Variants in BTBD9 observed in about 807,000 individuals in gnomAD.
BTBD9 encodes the protein BTB domain containing 9.
A neutral mutation model predicts 64.3 loss-of-function variants in BTBD9; 49 were observed. The observed-to-expected ratio is 0.76, with a 90% confidence interval of 0.61 to 0.97. The LOEUF (loss-of-function observed/expected upper bound fraction) is 0.97. BTBD9 is among the 50% of genes least tolerant of loss of function. The probability of loss-of-function intolerance (pLI) is 0.00; values close to 1 mark genes in which losing one functional copy is unlikely to be tolerated. For missense variants in BTBD9, 598 were observed against 762.1 expected (o/e 0.78, Z 2.53); for synonymous variants, 260 against 274.7 (o/e 0.95, Z 0.53).
At chr6:38,439,542 T>G (rs1006790343) in intron 6 of BTBD9, among the ~76,000 whole-genome samples, 1 of 152,156 alleles carries the variant, frequency 6.6e-6, no homozygotes, top group Non-Finnish European at 1.5e-5. Flanking sequence ...TTCTCCTGCC[T>G]CAGCCTCCCG....
At chr6:38,353,437 G>A (rs1203343357) in intron 6 of BTBD9, among the ~76,000 whole-genome samples, 1 of 151,524 alleles carries the variant, frequency 6.6e-6, no homozygotes, top group Admixed American at 6.6e-5. Context: ...AAGGGAGGGG[G>A]ATAGAGAAAG....
At chr6:38,277,294 T>C (rs1761305851) in intron 8 of BTBD9, among the ~76,000 whole-genome samples, 1 of 151,920 alleles carries the variant, frequency 6.6e-6, no homozygotes, top group South Asian at 2.1e-4. Flanking sequence ...TCATTTTGGG[T>C]CAGAATTGTG....
At chr6:38,251,056 T>G (rs75583426) in intron 9 of BTBD9, among the ~76,000 whole-genome samples, 2 of 150,284 alleles carry the variant, frequency 1.3e-5, no homozygotes, top group Non-Finnish European at 3.0e-5. Flanking sequence ...CACTCTAGCC[T>G]GGGCGACAGA....
At chr6:38,513,384 G>A (rs895909951) in intron 6 of BTBD9, among the ~76,000 whole-genome samples, 1 of 151,682 alleles carries the variant, frequency 6.6e-6, no homozygotes, top group Non-Finnish European at 1.5e-5. Flanking sequence ...GGAGGCAGAG[G>A]TTTCAGTGAG....
intron 6 of BTBD9, among the ~76,000 whole-genome samples, chr6:38,446,304 T>C (rs973778207): frequency 6.6e-6 from 1 of 151,822 alleles, no homozygotes; most frequent in African/African-American, 2.4e-5. Context: ...ATTAAACAAC[T>C]AGTTTTTTTT....
intron 7 of BTBD9, among the ~76,000 whole-genome samples, chr6:38,303,833 G>T: frequency 2.0e-5 from 1 of 49,972 alleles, no homozygotes; most frequent in African/African-American, 5.0e-5. Context: ...AGCAACTTTA[G>T]TTGCTAGATA....
chr6:38,440,837 T>C (rs1420986794), intron 6 of BTBD9, among the ~76,000 whole-genome samples: 1 of 152,188 alleles, frequency 6.6e-6, no homozygotes, highest in African/African-American at 2.4e-5. Flanking sequence ...TGAGCTATAG[T>C]AGATATAACA....
At chr6:38,177,078 C>A (rs1275475601) in intron 10 of BTBD9, among the ~76,000 whole-genome samples, 1 of 152,208 alleles carries the variant, frequency 6.6e-6, no homozygotes, top group Non-Finnish European at 1.5e-5. Context: ...TGCTCCTTCC[C>A]CCTGCTGACA....
chr6:38,288,517 T>G, intron 7 of BTBD9, 56 bp from the exon 8 acceptor site: 5 of 1,437,184 alleles, frequency 3.5e-6, no homozygotes, highest in South Asian at 1.2e-5. Context: ...AATATATCTC[T>G]ATAGTGTGCT....
At chr6:38,465,234 G>A (rs1447056307) in intron 6 of BTBD9, among the ~76,000 whole-genome samples, 6 of 151,894 alleles carry the variant, frequency 4.0e-5, no homozygotes, top group Non-Finnish European at 7.4e-5. Flanking sequence ...GGTTGATGCT[G>A]CAGTGAGCCT....
chr6:38,487,410 A>G (rs1771494022), intron 6 of BTBD9, among the ~76,000 whole-genome samples: 2 of 152,044 alleles, frequency 1.3e-5, no homozygotes, highest in African/African-American at 4.8e-5. Context: ...GGGAAACCCC[A>G]GCTCTACAAA....
At chr6:38,526,177 T>G (rs1455005168) in intron 6 of BTBD9, among the ~76,000 whole-genome samples, 1 of 152,218 alleles carries the variant, frequency 6.6e-6, no homozygotes, top group Non-Finnish European at 1.5e-5. Context: ...TGGGACACAG[T>G]GCCCTGTATC....
At chr6:38,386,460 T>A (rs1766173113) in intron 6 of BTBD9, among the ~76,000 whole-genome samples, 1 of 152,150 alleles carries the variant, frequency 6.6e-6, no homozygotes, top group Non-Finnish European at 1.5e-5. Flanking sequence ...TGAAAGTGAA[T>A]GTCTACTGTC....
chr6:38,322,304 C>G (rs1763269205), intron 7 of BTBD9, among the ~76,000 whole-genome samples: 1 of 152,090 alleles, frequency 6.6e-6, no homozygotes, highest in Admixed American at 6.6e-5. Context: ...CTTAAAAATC[C>G]ACATGCTCTT....
intron 7 of BTBD9, among the ~76,000 whole-genome samples, chr6:38,300,811 A>T (rs1380522143): frequency 1.3e-5 from 2 of 152,156 alleles, no homozygotes; most frequent in Non-Finnish European, 2.9e-5. Flanking sequence ...GCAAACAGGG[A>T]CAATTTGACT....
intron 9 of BTBD9, among the ~76,000 whole-genome samples, chr6:38,214,050 A>G: frequency 6.6e-6 from 1 of 150,746 alleles, no homozygotes; most frequent in South Asian, 2.1e-4. Context: ...CCTCTTTTCA[A>G]ACATTTTCTT....
At position 38,374,283 on chromosome 6, in the gene BTBD9, G is replaced by GTATATA. The variant is rs57568036; in HGVS notation, c.1155-29196_1155-29191dup. ...GGCCTTGTGTCGAAAAAAAAAAAAAGTATATATATATATGTATATATATGT... is the reference window on the plus strand; with the variant it reads ...GGCCTTGTGTCGAAAAAAAAAAAAAGTATATATATATATATATATGTATATATATGT... On this transcript the variant is annotated intron_variant, in intron 6 of 10. Transcript: ENST00000481247. Among the ~76,000 whole-genome samples the GTATATA allele has an allele frequency of 1.5e-3, 70 of 45,438 alleles. 1 individual carries two copies. Among genetic ancestry groups the GTATATA allele is most frequent in the East Asian group, 7.4e-3 (5 of 680 alleles). The allele number at this position is 45,438 out of a possible 152,430, so 29.8% of individuals were successfully genotyped here.
chr6:38,435,134 C>T (rs1217705387), intron 6 of BTBD9, among the ~76,000 whole-genome samples: 1 of 134,546 alleles, frequency 7.4e-6, no homozygotes, highest in South Asian at 2.3e-4. Flanking sequence ...GCAGAGGTTG[C>T]AGTGAGCTGA....
At chr6:38,480,500 CCT>C (rs1461422637) in intron 6 of BTBD9, among the ~76,000 whole-genome samples, 2 of 152,138 alleles carry the variant, frequency 1.3e-5, no homozygotes. Context: ...CTGCTTTTAG[CCT>C]CTCATTTAAA....
Sources: allele counts gnomAD v4.1 joint callset (sites outside exome capture counted in the v4.1 genomes callset), GRCh38; gene constraint gnomAD v4.1.1; transcripts MANE v1.5; gene names NCBI Gene and HGNC (gene_info 2026-07-23, HGNC 2026-07-21).